MRTFA: variants seen among roughly 807,000 people sequenced by gnomAD.
MRTFA encodes myocardin related transcription factor A.
In MRTFA, 20 loss-of-function variants were observed where a neutral mutation model predicts 83.5. That is an observed-to-expected ratio of 0.24 (90% CI 0.17 to 0.35). The LOEUF (loss-of-function observed/expected upper bound fraction) is 0.35. MRTFA is among the 10% of genes least tolerant of loss of function. The pLI is 1.00. For missense variants in MRTFA, 1,200 were observed against 1,224.7 expected, an observed-to-expected ratio of 0.98 and a Z score of 0.30; for synonymous variants, 659 against 541.2, an observed-to-expected ratio of 1.22 and a Z score of -3.02.
intron 3 of MRTFA, 140 bp from the exon 4 acceptor site, chr22:40,463,426 T>G: frequency 1.5e-6 from 1 of 668,846 alleles, no homozygotes; most frequent in East Asian, 2.7e-5. Flanking sequence ...TGCAACTGTC[T>G]GTAATTGCAG....
chr22:40,474,266 AGTT>A (rs1443671168), intron 3 of MRTFA, among the ~76,000 whole-genome samples: 1 of 152,186 alleles, frequency 6.6e-6, no homozygotes, highest in African/African-American at 2.4e-5. Context: ...AATAAATTCA[AGTT>A]GTGATCAATA....
Position 40,418,922 on chromosome 22 carries a change from C to G in MRTFA, c.1816G>C (p.Gly606Arg). Residue 606 changes from glycine (G) to arginine (R), a missense_variant, in exon 12 of 15, where the codon GGG (glycine) becomes CGG (arginine). Physicochemically the swap from Gly to Arg is moderately radical, Grantham distance 125. Transcript: ENST00000355630. The stretch of plus-strand genomic sequence containing the variant: ...CCCCCAGGGCTCAGGCAACAGGACC[C>G]GGCCCGGGGGCCCTCCTCCTTCACG... 3 of 1,612,792 alleles carry G rather than the reference C, an allele frequency of 1.9e-6. No homozygotes were observed. Among genetic ancestry groups the G allele is most frequent in the East Asian group, 2.2e-5 (1 of 44,858 alleles).
At position 40,519,413 on chromosome 22, in the gene MRTFA, A is replaced by G. The variant is rs115551820; in HGVS notation, c.241+32693T>C. On this transcript the variant is annotated intron_variant, in intron 3 of 14. Transcript: ENST00000355630. ...TTCATTTAGTCAGCTCACTTCTTGG[A>G]AAGAGATCAGGGTTGAGAGATGAAG... is the stretch of plus-strand genomic sequence containing the variant. 1,267 of 1,328,694 alleles carry G rather than the reference A, an allele frequency of 9.5e-4. 6 individuals carry two copies. The African/African-American group carries it at 0.018, about 19-fold the overall frequency. 82.3% of individuals were successfully genotyped at this position (1,328,694 alleles called of 1,614,324 possible).
intron 3 of MRTFA, among the ~76,000 whole-genome samples, chr22:40,479,648 C>T (rs2147182341): frequency 6.6e-6 from 1 of 152,246 alleles, no homozygotes; most frequent in East Asian, 1.9e-4. Context: ...ATTATCAATT[C>T]CTATAAATGA....
chr22:40,489,388 C>T (rs1346493520), intron 3 of MRTFA, among the ~76,000 whole-genome samples: 1 of 150,690 alleles, frequency 6.6e-6, no homozygotes, highest in Non-Finnish European at 1.5e-5. Flanking sequence ...CTCGTTCTGT[C>T]GCCCAGGCTG....
chr22:40,530,474 T>C (rs2055058522), intron 3 of MRTFA, among the ~76,000 whole-genome samples: 1 of 152,176 alleles, frequency 6.6e-6, no homozygotes, highest in Non-Finnish European at 1.5e-5. Flanking sequence ...TTTCTGTATT[T>C]TTAGTAGAGA....
intron 1 of MRTFA, among the ~76,000 whole-genome samples, chr22:40,633,164 G>T (rs1222355368): frequency 6.6e-6 from 1 of 152,012 alleles, no homozygotes; most frequent in Admixed American, 6.6e-5. Flanking sequence ...TCTCAGTAAA[G>T]AAATGTTTCT....
At chr22:40,451,524 A>G (rs1427874829) in intron 4 of MRTFA, among the ~76,000 whole-genome samples, 1 of 152,150 alleles carries the variant, frequency 6.6e-6, no homozygotes, top group Non-Finnish European at 1.5e-5. Context: ...AGAAGTGGAG[A>G]CGCAGGATGC....
At chr22:40,447,070 ATTTGGCTGGGGGT>A (rs1329294943) in intron 4 of MRTFA, among the ~76,000 whole-genome samples, 2 of 152,004 alleles carry the variant, frequency 1.3e-5, no homozygotes, top group Non-Finnish European at 2.9e-5. Context: ...ATAAGGTGAC[ATTTGGCTGGGGGT>A]GGCAGCTCAT....
chr22:40,480,211 G>A (rs1383407585), intron 3 of MRTFA, among the ~76,000 whole-genome samples: 2 of 152,030 alleles, frequency 1.3e-5, no homozygotes, highest in Non-Finnish European at 2.9e-5. Context: ...CTGTCTGAAT[G>A]TATAGCCTGA....
chr22:40,411,693 A>G lies in MRTFA; in HGVS notation c.2793T>C (p.His931=), dbSNP rs747371545. 1 of 1,596,530 alleles carries G rather than the reference A, an allele frequency of 6.3e-7. No individual in the cohort carries two copies. The highest frequency in any genetic ancestry group is 8.6e-7 in the Non-Finnish European group (1 of 1,169,212). ...TGAGGGAAAGGGGCTCTGGCCCGTC[A>G]TGCCCACTGGTCAGCAGGGGCAGCC... Residue 931 remains histidine, a synonymous_variant, in exon 15 of 15, where the codon CAT becomes CAC. Coordinates refer to ENST00000355630, the MANE Select transcript of MRTFA (RefSeq NM_020831.6).
At chr22:40,522,846 T>G (rs2147261772) in intron 3 of MRTFA, 1 of 152,210 alleles carries the variant, frequency 6.6e-6, no homozygotes, top group Non-Finnish European at 1.5e-5. Context: ...TCGGGATGGT[T>G]TCAACCAACA....
At chr22:40,512,599 A>G (rs974886427) in intron 3 of MRTFA, among the ~76,000 whole-genome samples, 10 of 152,244 alleles carry the variant, frequency 6.6e-5, no homozygotes, top group African/African-American at 2.4e-4. Flanking sequence ...AAAGATGATT[A>G]TTTCTCAACT....
intron 4 of MRTFA, among the ~76,000 whole-genome samples, chr22:40,458,654 A>G (rs536459581): frequency 1.3e-5 from 2 of 152,292 alleles, no homozygotes; most frequent in African/African-American, 4.8e-5. Flanking sequence ...GAAGAATTTG[A>G]TAAAAGATAT....
chr22:40,610,932 C>CTTTTTTTTT (rs746175814), intron 1 of MRTFA, among the ~76,000 whole-genome samples: 2 of 108,336 alleles, frequency 1.8e-5, no homozygotes, highest in Non-Finnish European at 3.9e-5. Flanking sequence ...TTTTCTTTTA[C>CTTTTTTTTT]TTTTTTTTTT....
chr22:40,480,515 A>T (rs945285150), intron 3 of MRTFA, among the ~76,000 whole-genome samples: 3 of 152,226 alleles, frequency 2.0e-5, no homozygotes, highest in Non-Finnish European at 4.4e-5. Flanking sequence ...ACTAGGGGAA[A>T]ATCCAGGTGA....
intron 1 of MRTFA, among the ~76,000 whole-genome samples, chr22:40,626,449 C>T (rs376647316): frequency 6.6e-6 from 1 of 152,094 alleles, no homozygotes; most frequent in Admixed American, 6.6e-5. Context: ...CACAGCGCCG[C>T]GCCCGGTTAT....
chr22:40,633,577 G>T (rs541581272), intron 1 of MRTFA, among the ~76,000 whole-genome samples: 1 of 152,134 alleles, frequency 6.6e-6, no homozygotes, highest in East Asian at 1.9e-4. Flanking sequence ...GCTTCATATG[G>T]AATCTGTATA....
chr22:40,427,455 C>G (rs2052978710), intron 7 of MRTFA, among the ~76,000 whole-genome samples: 1 of 152,102 alleles, frequency 6.6e-6, no homozygotes, highest in Non-Finnish European at 1.5e-5. Flanking sequence ...TCCCCTCTGC[C>G]CAAAACTAAA....
Sources: gnomAD v4.1 joint callset for allele counts (sites outside exome capture counted in the v4.1 genomes callset) on GRCh38, gnomAD v4.1.1 for gene constraint, MANE v1.5 for transcripts, NCBI Gene and HGNC (gene_info 2026-07-23, HGNC 2026-07-21) for gene names.